Variants in UNC5CL observed in about 807,000 individuals in gnomAD.
UNC5CL encodes the protein UNC5C-like protein.
In UNC5CL, 42 loss-of-function variants were observed where a neutral mutation model predicts 54.1. The ratio of observed to expected loss-of-function variants is 0.78; its 90% CI spans 0.61 to 1.00. The LOEUF (loss-of-function observed/expected upper bound fraction) is 1.00, where lower values mean the gene tolerates loss of function less well. UNC5CL is among the 50% of genes least tolerant of loss of function. The pLI is 0.00. For synonymous variants in UNC5CL, 285 were observed against 285.1 expected (o/e 1.00, Z 0.00); for missense variants, 619 against 675.6 (o/e 0.92, Z 0.93).
intron 2 of UNC5CL, 43 bp from the exon 3 acceptor site, chr6:41,034,224 C>A (rs769445648): frequency 1.9e-6 from 3 of 1,557,666 alleles, no homozygotes; most frequent in Middle Eastern, 2.3e-4. Flanking sequence ...GGTAGGCAGG[C>A]ACACCCCTGC....
chr6:41,038,539 C>T (rs912235386), intron 1 of UNC5CL, among the ~76,000 whole-genome samples: 2 of 152,176 alleles, frequency 1.3e-5, no homozygotes, highest in Non-Finnish European at 2.9e-5. Flanking sequence ...CTGCATCCTC[C>T]CTCTGGCTCC....
At chr6:41,033,533 A>C in intron 3 of UNC5CL, 1 of 493,880 alleles carries the variant, frequency 2.0e-6, no homozygotes, top group Non-Finnish European at 3.6e-6. Flanking sequence ...ACTGGTGCTA[A>C]GCCTGGGGAC....
Position 41,028,469 on chromosome 6 carries a change from G to GA in UNC5CL, c.1460dup (p.Gln488ProfsTer22). On this transcript the variant is annotated frameshift_variant, in exon 9 of 9. Coordinates refer to ENST00000244565, the MANE Select transcript of UNC5CL (RefSeq NM_173561.3). LOFTEE classifies it high-confidence loss of function. The surrounding 1 kb of genome is among the most constrained non-coding windows in gnomAD (Gnocchi z 4.3). ...CGTGTGTCCCACTCAGGTAGTTCTG[G>GA]ATGGCGGAGGCGCAGTCTAGCCGCT... The GA allele has an allele frequency of 6.2e-7, 1 of 1,613,800 alleles. No individual in the cohort carries two copies. The highest frequency in any genetic ancestry group is 8.5e-7 in the Non-Finnish European group (1 of 1,179,988).
Position 41,028,428 on chromosome 6 carries a change from G to T in UNC5CL, c.1502C>A (p.Pro501His), listed in dbSNP as rs768224851. The T allele has an allele frequency of 1.9e-6, 3 of 1,612,230 alleles. No homozygotes were observed. The highest frequency in any genetic ancestry group is 1.7e-5 in the Admixed American group (1 of 59,830). ...LSGTHGGSPG[P>H]ERGGARDNQG... ...GTTATCCCGGGCGCCCCCGCGCTCG[G>T]GGCCTGGGCTGCCGCCGTGTGTCCC... Residue 501 changes from proline to histidine, a missense_variant, in exon 9 of 9, where the codon CCC becomes CAC. Coordinates refer to ENST00000244565, the MANE Select transcript of UNC5CL (RefSeq NM_173561.3). The surrounding 1 kb of genome is among the most constrained non-coding windows in gnomAD (Gnocchi z 4.3).
rs908918547 is a variant in UNC5CL at position 41,031,744 on chromosome 6, A to G, written c.1056T>C (p.Asp352=). ...TTAGTGCTGAACAGTCCTCATTCTCATCGGCTATAAAGAGAAGGTGACAGC... is the reference window on the plus strand; with the variant it reads ...TTAGTGCTGAACAGTCCTCATTCTCGTCGGCTATAAAGAGAAGGTGACAGC... The part of the protein sequence containing the change: ...RSFCFRRKAA[D]ENEDCSALTN... The change falls in exon 6 of 9, where the codon GAT becomes GAC. Residue 352 remains aspartate, a synonymous_variant. Coordinates refer to ENST00000244565, the MANE Select transcript of UNC5CL (RefSeq NM_173561.3). 8 of 1,613,932 alleles carry G rather than the reference A, an allele frequency of 5.0e-6. No individual in the cohort carries two copies. The highest frequency in any genetic ancestry group is 6.8e-6 in the Non-Finnish European group (8 of 1,179,952).
chr6:41,034,164 G>A lies in UNC5CL; in HGVS notation c.403C>T (p.Arg135Cys), dbSNP rs139674158. ...AGGATCAAAGACACCCGCTCCTGGCGGCCCACAGCCACAGCACCTGGCAGG... is the reference window on the plus strand; with the variant it reads ...AGGATCAAAGACACCCGCTCCTGGCAGCCCACAGCCACAGCACCTGGCAGG... ...LIPPGAVAVG[R>C]QERVSLILVW... The change falls in exon 3 of 9, where the codon CGC becomes TGC. Residue 135 changes from arginine (R) to cysteine (C), a missense_variant. Arg to Cys is a radical substitution (Grantham distance 180). Coordinates refer to ENST00000244565, the MANE Select transcript of UNC5CL (RefSeq NM_173561.3). The A allele has an allele frequency of 1.7e-5, 27 of 1,608,304 alleles. No individual in the cohort carries two copies. Among genetic ancestry groups the A allele is most frequent in the African/African-American group, 6.7e-5 (5 of 74,754 alleles).
intron 1 of UNC5CL, among the ~76,000 whole-genome samples, chr6:41,035,699 G>A (rs1316122264): frequency 6.6e-6 from 1 of 152,220 alleles, no homozygotes; most frequent in African/African-American, 2.4e-5. Context: ...TCTAGAAAAA[G>A]GAGTGGTAGC....
intron 7 of UNC5CL, 65 bp downstream of exon 7, chr6:41,030,590 C>G: frequency 6.2e-7 from 1 of 1,610,738 alleles, no homozygotes; most frequent in Non-Finnish European, 8.5e-7. Context: ...CTGTAGTCAC[C>G]CTGTGGGTGC....
chr6:41,034,534 T>C (rs1193240320), intron 2 of UNC5CL, among the ~76,000 whole-genome samples, 156 bp downstream of exon 2: 1 of 152,188 alleles, frequency 6.6e-6, no homozygotes, highest in African/African-American at 2.4e-5. Context: ...CCAAAAGATA[T>C]GTAATATGTC....
chr6:41,037,293 C>T (rs149056064), intron 1 of UNC5CL, among the ~76,000 whole-genome samples: 34 of 152,334 alleles, frequency 2.2e-4, no homozygotes, highest in African/African-American at 7.2e-4. Flanking sequence ...CCAAAGATGA[C>T]GTCTTATTCC....
chr6:41,037,378 T>G (rs1218556321), intron 1 of UNC5CL, among the ~76,000 whole-genome samples: 1 of 152,226 alleles, frequency 6.6e-6, no homozygotes, highest in Non-Finnish European at 1.5e-5. Flanking sequence ...ACGTCCTCCT[T>G]CAGAGCCCTG....
At position 41,027,108 on chromosome 6, in the gene UNC5CL, G is replaced by A. The variant is rs547956918; in HGVS notation, c.*1265C>T. ...TGTATACAGTATCAAACACATAGTA[G>A]GTGCTGAATAAGTATCTGCTGACTG... On this transcript the variant is annotated 3_prime_UTR_variant, in exon 9 of 9. Coordinates refer to ENST00000244565, the MANE Select transcript of UNC5CL (RefSeq NM_173561.3). 1 of 152,276 alleles carries A rather than the reference G, an allele frequency of 6.6e-6. No homozygotes were observed. Among genetic ancestry groups the A allele is most frequent in the African/African-American group, 2.4e-5 (1 of 41,546 alleles). The allele number at this position is 152,276 out of a possible 1,614,324, so 9.4% of individuals were successfully genotyped here. A position where few individuals can be genotyped will look rare whatever the true frequency, so the allele number is the denominator to read the frequency against.
At chr6:41,033,687 T>C (rs1241947122) in intron 3 of UNC5CL, 194 bp downstream of exon 3, 1 of 629,292 alleles carries the variant, frequency 1.6e-6, no homozygotes, top group Non-Finnish European at 2.7e-6. Flanking sequence ...TTTGCAGTCA[T>C]GGACATGATT....
At position 41,030,443 on chromosome 6, in the gene UNC5CL, C is replaced by T. The variant is rs978862845; in HGVS notation, c.1279G>A (p.Gly427Ser). The T allele has an allele frequency of 6.8e-6, 11 of 1,614,148 alleles. No homozygotes were observed. In the East Asian group the frequency reaches 1.3e-4, roughly 20 times the overall value. The change falls in exon 8 of 9, where the codon GGC (glycine) becomes AGC (serine). Residue 427 changes from glycine (G) to serine (S), a missense_variant. By Grantham distance (56) the Gly-to-Ser change is moderately conservative. Coordinates refer to ENST00000244565, the MANE Select transcript of UNC5CL (RefSeq NM_173561.3). ...RMLLEPNSITGNDWRRLASHL... is the reference protein window; with the variant it reads ...RMLLEPNSITSNDWRRLASHL... ...GAGGCCAGTCTGCGCCAGTCATTGC[C>T]GGTGATGCTGTTTGGCTCCAATAAC... is the stretch of plus-strand genomic sequence containing the variant.
At chr6:41,037,936 C>T (rs893123928) in intron 1 of UNC5CL, among the ~76,000 whole-genome samples, 1 of 152,366 alleles carries the variant, frequency 6.6e-6, no homozygotes, top group Non-Finnish European at 1.5e-5. Context: ...TGGCTTGTCT[C>T]ATCTCATCCT....
At position 41,029,933 on chromosome 6, in the gene UNC5CL, A is replaced by G. The variant is rs534792029; in HGVS notation, c.1334+455T>C. Reference sequence around the variant, plus strand: ...AAAGTCTTCCCTGACCGCTGCACTCATAGTGTAGTTTCTGGAGCTTAGCTC... The same window carrying G: ...AAAGTCTTCCCTGACCGCTGCACTCGTAGTGTAGTTTCTGGAGCTTAGCTC... On this transcript the variant is annotated intron_variant, in intron 8 of 8. Transcript: ENST00000244565. The surrounding 1 kb of genome is among the most constrained non-coding windows in gnomAD (Gnocchi z 4.1). 6.6e-6 allele frequency among the ~76,000 whole-genome samples: 1 copy of G among 152,332 alleles called. No individual in the cohort carries two copies. Among genetic ancestry groups the G allele is most frequent in the African/African-American group, 2.4e-5 (1 of 41,570 alleles).
chr6:41,028,407 T>C lies in UNC5CL; in HGVS notation c.1523A>G (p.Asp508Gly), dbSNP rs751896022. 1 of 1,605,882 alleles carries C rather than the reference T, an allele frequency of 6.2e-7. No homozygotes were observed. Among genetic ancestry groups the C allele is most frequent in the African/African-American group, 1.3e-5 (1 of 74,988 alleles). The change falls in exon 9 of 9, where the codon GAT (aspartate) becomes GGT (glycine). Residue 508 changes from aspartate to glycine, a missense_variant. Physicochemically the swap from Asp to Gly is moderately conservative, Grantham distance 94. Transcript: ENST00000244565. This position sits in a 1 kb window ranked among gnomAD's most constrained non-coding sequence, Gnocchi z 4.3. ...CTCGTCCAGCTCCAGGCCCTGGTTA[T>C]CCCGGGCGCCCCCGCGCTCGGGGCC... ...SPGPERGGAR[D>G]NQGLELDEKL
intron 5 of UNC5CL, 117 bp downstream of exon 5, chr6:41,031,919 G>C: frequency 8.0e-7 from 1 of 1,253,784 alleles, no homozygotes; most frequent in South Asian, 1.3e-5. Context: ...TTTCAGGGAA[G>C]GTCTGTGTGC....
rs766283261 is a variant in UNC5CL, at chr6:41,034,896, A to G, written c.179T>C (p.Leu60Pro). ...GTGCTGCCTTGAGACCTCATTTTCT[A>G]GTTGGGGGGTAGGCTGGGACACTGG... The part of the protein sequence containing the change: ...EEPVSQPTPQ[L>P]ENEVSRQHLP... The change falls in exon 2 of 9, where the codon CTA becomes CCA. Residue 60 changes from leucine to proline, a missense_variant. By Grantham distance (98) the Leu-to-Pro change is moderately conservative. Transcript: ENST00000244565. 1.2e-6 allele frequency: 2 copies of G among 1,614,056 alleles called. No homozygotes were observed. The highest frequency in any genetic ancestry group is 2.2e-5 in the East Asian group (1 of 44,894).
Sources: gnomAD v4.1 joint callset for allele counts (sites outside exome capture counted in the v4.1 genomes callset) on GRCh38, gnomAD v4.1.1 for gene constraint, Gnocchi (gnomAD v3.1) non-coding constraint, MANE v1.5 for transcripts, NCBI Gene and HGNC (gene_info 2026-07-23, HGNC 2026-07-21) for gene names.